DYNC2H1: variants seen among roughly 807,000 people sequenced by gnomAD.
DYNC2H1 encodes the protein dynein cytoplasmic 2 heavy chain 1, also known as cytoplasmic dynein 2 heavy chain 1.
In DYNC2H1, 410 loss-of-function variants were observed where a neutral mutation model predicts 570.0. That is an observed-to-expected ratio of 0.72 (90% confidence interval 0.66 to 0.78). The LOEUF is 0.78. Ranked by LOEUF, DYNC2H1 falls within the 30% of genes least tolerant of loss-of-function variation. The probability of loss-of-function intolerance (pLI) is 0.00; values close to 1 mark genes in which losing one functional copy is unlikely to be tolerated. For missense variants in DYNC2H1, 4,865 were observed against 5,046.4 expected (o/e 0.96, Z 1.09); for synonymous variants, 1,688 against 1,677.6 (o/e 1.01, Z -0.15).
intron 85 of DYNC2H1, among the ~76,000 whole-genome samples, chr11:103,436,864 C>T (rs1298678112): frequency 6.6e-6 from 1 of 152,112 alleles, no homozygotes; most frequent in African/African-American, 2.4e-5. Flanking sequence ...ATTTGTGGCA[C>T]ATAACTATAT....
intron 88 of DYNC2H1, among the ~76,000 whole-genome samples, chr11:103,478,623 C>T (rs1256037821): frequency 6.6e-6 from 1 of 152,052 alleles, no homozygotes; most frequent in Non-Finnish European, 1.5e-5. Flanking sequence ...AAACAAATTG[C>T]TAGGAAAAGA....
rs1469048893 is a variant in DYNC2H1, at chr11:103,412,120, AC to A, written c.12366+12252del. ...TAACAAAAACTGAGAATTCAGTACT[AC>A]CCCATTTATTTCAAAATAAAAGTTA... On this transcript the variant is annotated intron_variant, in intron 84 of 88. Transcript: ENST00000375735. Among the ~76,000 whole-genome samples the A allele has an allele frequency of 2.0e-5, 3 of 152,066 alleles. No individual in the cohort carries two copies. The East Asian group carries it at 5.8e-4, about 29-fold the overall frequency.
At chr11:103,436,126 C>A in intron 85 of DYNC2H1, 94 bp downstream of exon 85, 1 of 1,038,454 alleles carries the variant, frequency 9.6e-7, no homozygotes, top group Non-Finnish European at 1.4e-6. Context: ...GAGAATTACA[C>A]TATGATTTTG....
At chr11:103,390,778 A>C (rs1184698643) in intron 83 of DYNC2H1, among the ~76,000 whole-genome samples, 1 of 152,154 alleles carries the variant, frequency 6.6e-6, no homozygotes, top group Non-Finnish European at 1.5e-5. Flanking sequence ...GCTGGATATG[A>C]AATTCTGGGT....
At chr11:103,450,401 G>A (rs557174) in intron 85 of DYNC2H1, among the ~76,000 whole-genome samples, 54,266 of 151,882 alleles carry the variant, frequency 0.36, 10,292 homozygotes, top group African/African-American at 0.48. Context: ...ATTCAAGTGC[G>A]CACAGGGTGT....
chr11:103,443,129 TC>T (rs1944320928), intron 85 of DYNC2H1, among the ~76,000 whole-genome samples: 1 of 152,042 alleles, frequency 6.6e-6, no homozygotes, highest in South Asian at 2.1e-4. Flanking sequence ...TGTCAATAAA[TC>T]CCAGCTATCA....
chr11:103,233,998 CT>C, intron 60 of DYNC2H1, 35 bp from the exon 61 acceptor site: 1 of 1,537,630 alleles, frequency 6.5e-7, no homozygotes, highest in East Asian at 2.5e-5. Context: ...CTCCCAAATC[CT>C]TTTTGCTTTT....
In DYNC2H1 at chr11:103,177,090, T is replaced by C. The variant is rs1003527441; in HGVS notation, c.5875-466T>C. ...TAATGGATTCATCATTTTTTTATAA[T>C]TGATTATATATATGATTTAGTTTCA... On this transcript the variant is annotated intron_variant, in intron 37 of 88. Transcript: ENST00000375735. The surrounding 1 kb of genome is among the most constrained non-coding windows in gnomAD (Gnocchi z 4.4). 8.5e-5 allele frequency among the ~76,000 whole-genome samples: 13 copies of C among 152,146 alleles called. No homozygotes were observed. Among genetic ancestry groups the C allele is most frequent in the Non-Finnish European group, 1.0e-4 (7 of 68,028 alleles).
intron 37 of DYNC2H1, among the ~76,000 whole-genome samples, chr11:103,176,778 C>A (rs1457236195): frequency 2.0e-5 from 3 of 149,728 alleles, no homozygotes; most frequent in African/African-American, 4.9e-5. Context: ...TGATCTCGGC[C>A]CACAGCAACC....
intron 17 of DYNC2H1, among the ~76,000 whole-genome samples, chr11:103,137,859 G>T (rs1229136689): frequency 1.7e-4 from 25 of 151,214 alleles, no homozygotes; most frequent in Middle Eastern, 3.4e-3. Flanking sequence ...CTACCCATGA[G>T]CATGGAATGT....
chr11:103,154,664 A>G (rs371662949), intron 23 of DYNC2H1, 31 bp from the exon 24 acceptor site: 4 of 1,566,344 alleles, frequency 2.6e-6, no homozygotes, highest in Non-Finnish European at 3.5e-6. Context: ...TTTGGATGTA[A>G]TCTTTGCAAT....
chr11:103,240,908 A>AT (rs1363598382), intron 63 of DYNC2H1, among the ~76,000 whole-genome samples: 3 of 152,168 alleles, frequency 2.0e-5, no homozygotes, highest in African/African-American at 7.2e-5. Context: ...TACTCCTGCC[A>AT]TTTTATATGC....
chr11:103,165,758 T>C (rs1363959260), intron 30 of DYNC2H1, 140 bp from the exon 31 acceptor site: 1 of 619,574 alleles, frequency 1.6e-6, no homozygotes, highest in African/African-American at 1.9e-5. Context: ...TCTATTAATA[T>C]TTAAGGTTCC....
chr11:103,284,116 C>T (rs1359305981), intron 73 of DYNC2H1, among the ~76,000 whole-genome samples: 1 of 152,136 alleles, frequency 6.6e-6, no homozygotes, highest in African/African-American at 2.4e-5. Flanking sequence ...CCCACCATTC[C>T]CCAGGTGATT....
At position 103,205,681 on chromosome 11, in the gene DYNC2H1, C is replaced by T. The variant is rs57548598; in HGVS notation, c.8454+717C>T. Among the ~76,000 whole-genome samples the T allele has an allele frequency of 0.023, 3,455 of 151,828 alleles. 114 individuals are homozygous for T. Among genetic ancestry groups the T allele is most frequent in the African/African-American group, 0.078 (3,211 of 41,398 alleles). ...CTATATATGTTGAGGACATAGCAGA[C>T]GAAAAAAAACCAGAGAGAAATCCCT... is the stretch of plus-strand genomic sequence containing the variant. On this transcript the variant is annotated intron_variant, in intron 52 of 88. Transcript: ENST00000375735. This position sits in a 1 kb window ranked among gnomAD's most constrained non-coding sequence, Gnocchi z 4.5.
intron 17 of DYNC2H1, among the ~76,000 whole-genome samples, chr11:103,141,787 G>C (rs1024407951): frequency 3.9e-5 from 6 of 152,330 alleles, no homozygotes; most frequent in Non-Finnish European, 8.8e-5. Flanking sequence ...CTGTCTTTTT[G>C]TTGTCTGTGC....
intron 83 of DYNC2H1, among the ~76,000 whole-genome samples, chr11:103,359,074 G>A (rs1213917787): frequency 1.3e-5 from 2 of 152,096 alleles, no homozygotes; most frequent in Admixed American, 6.5e-5. Flanking sequence ...CCAGAGTTTG[G>A]GGGAAGATTA....
chr11:103,302,928 T>A (rs192259311), intron 75 of DYNC2H1, among the ~76,000 whole-genome samples, 165 bp from the exon 76 acceptor site: 23 of 152,182 alleles, frequency 1.5e-4, no homozygotes, highest in African/African-American at 5.3e-4. Flanking sequence ...ATAAAACAGA[T>A]GTTGGCTATT....
chr11:103,463,887 A>G lies in DYNC2H1; in HGVS notation c.12649-4702A>G, dbSNP rs1945102853. Among the ~76,000 whole-genome samples the G allele has an allele frequency of 2.0e-5, 3 of 152,248 alleles. No homozygotes were observed. In the South Asian group the frequency reaches 6.2e-4, roughly 31 times the overall value. Reference sequence around the variant, plus strand: ...CCTTAGATGCTGAATCTCACTACCTATCCACGAGATCTGCAGTATCCCAAC... The same window carrying G: ...CCTTAGATGCTGAATCTCACTACCTGTCCACGAGATCTGCAGTATCCCAAC... On this transcript the variant is annotated intron_variant, in intron 87 of 88. Coordinates refer to ENST00000375735, the MANE Select transcript of DYNC2H1 (RefSeq NM_001377.3).
Sources: gnomAD v4.1 joint callset for allele counts (sites outside exome capture counted in the v4.1 genomes callset) on GRCh38, gnomAD v4.1.1 for gene constraint, Gnocchi (gnomAD v3.1) non-coding constraint, MANE v1.5 for transcripts, NCBI Gene and HGNC (gene_info 2026-07-23, HGNC 2026-07-21) for gene names.